Variants in ROBO2 observed in about 807,000 individuals in gnomAD.
The protein encoded by ROBO2 is roundabout homolog 2.
In ROBO2, 53 loss-of-function variants were observed where a neutral mutation model predicts 160.8. The ratio of observed to expected loss-of-function variants is 0.33; its 90% CI spans 0.26 to 0.41. The LOEUF (loss-of-function observed/expected upper bound fraction) is 0.41, where lower values mean the gene tolerates loss of function less well. Ranked by LOEUF, ROBO2 falls within the 10% of genes least tolerant of loss-of-function variation. The pLI is 1.00. For missense variants in ROBO2, 1,577 were observed against 1,722.4 expected, an observed-to-expected ratio of 0.92 and a Z score of 1.49; for synonymous variants, 664 against 611.7, an observed-to-expected ratio of 1.09 and a Z score of -1.26.
intron 2 of ROBO2, among the ~76,000 whole-genome samples, chr3:76,110,214 G>A (rs76634159): frequency 0.015 from 2,291 of 152,036 alleles, 55 homozygotes; most frequent in African/African-American, 0.053. Context: ...CATAGTAGAC[G>A]TGATGGCAAA....
intron 2 of ROBO2, among the ~76,000 whole-genome samples, chr3:76,466,805 C>T (rs1456250633): frequency 6.6e-6 from 1 of 151,882 alleles, no homozygotes; most frequent in Non-Finnish European, 1.5e-5. Context: ...TATATAGGAC[C>T]TTTCTCATTG....
chr3:77,281,321 C>G (rs1580631010), intron 2 of ROBO2, among the ~76,000 whole-genome samples: 1 of 151,084 alleles, frequency 6.6e-6, no homozygotes, highest in East Asian at 2.0e-4. Context: ...CTTTCGTTAC[C>G]TCCCAGACAC....
chr3:76,904,984 T>G (rs1263087446), intron 2 of ROBO2, among the ~76,000 whole-genome samples: 2 of 152,186 alleles, frequency 1.3e-5, no homozygotes, highest in Non-Finnish European at 2.9e-5. Context: ...GTGATTAAGT[T>G]TTTTGTTTGT....
At chr3:77,170,351 A>C (rs1335460243) in intron 2 of ROBO2, among the ~76,000 whole-genome samples, 1 of 152,084 alleles carries the variant, frequency 6.6e-6, no homozygotes. Context: ...TGTTTAACAG[A>C]TCTAATTATA....
At chr3:76,305,535 C>A (rs545091467) in intron 2 of ROBO2, among the ~76,000 whole-genome samples, 2 of 150,470 alleles carry the variant, frequency 1.3e-5, no homozygotes, top group East Asian at 2.0e-4. Context: ...CTGAGGCAGG[C>A]GGATCACGAG....
intron 2 of ROBO2, among the ~76,000 whole-genome samples, chr3:76,975,326 G>A (rs907519781): frequency 6.6e-6 from 1 of 152,198 alleles, no homozygotes; most frequent in Admixed American, 6.5e-5. Flanking sequence ...CCAACATGGC[G>A]AAACCCCGTC....
chr3:76,701,638 A>G (rs2093046159), intron 2 of ROBO2, among the ~76,000 whole-genome samples: 1 of 152,072 alleles, frequency 6.6e-6, no homozygotes, highest in Non-Finnish European at 1.5e-5. Flanking sequence ...GTGTAATGAT[A>G]AATTTCACTA....
chr3:76,207,715 C>T (rs954685244), intron 2 of ROBO2, among the ~76,000 whole-genome samples: 1 of 152,134 alleles, frequency 6.6e-6, no homozygotes, highest in African/African-American at 2.4e-5. Context: ...TGTGCTGTAA[C>T]AGAAGTGTCC....
At chr3:77,629,916 C>G (rs1028057590) in intron 23 of ROBO2, 3 of 152,122 alleles carry the variant, frequency 2.0e-5, no homozygotes, top group Admixed American at 1.3e-4. Context: ...AGTTCCTAAT[C>G]TCCAGAATTC....
intron 2 of ROBO2, among the ~76,000 whole-genome samples, chr3:76,535,760 A>C (rs1164531396): frequency 6.6e-6 from 1 of 152,130 alleles, no homozygotes; most frequent in Non-Finnish European, 1.5e-5. Flanking sequence ...TATGGGGGCA[A>C]TGGAAACAGG....
chr3:76,850,016 A>T (rs2069174569), intron 2 of ROBO2, among the ~76,000 whole-genome samples: 1 of 152,056 alleles, frequency 6.6e-6, no homozygotes, highest in Non-Finnish European at 1.5e-5. Context: ...GTGAAATCTC[A>T]TCTCTACTAA....
chr3:76,122,909 G>A (rs6776374), intron 2 of ROBO2, among the ~76,000 whole-genome samples: 36,901 of 151,904 alleles, frequency 0.24, 5,113 homozygotes, highest in Non-Finnish European at 0.32. Flanking sequence ...CACCACATCC[G>A]GCTAACTTTT....
intron 1 of ROBO2, among the ~76,000 whole-genome samples, chr3:75,925,295 C>T (rs1055590663): frequency 6.6e-6 from 1 of 151,862 alleles, no homozygotes; most frequent in African/African-American, 2.4e-5. Context: ...CCGGAGGCTG[C>T]GGTGAAAGGA....
chr3:77,538,937 C>A lies in ROBO2; in HGVS notation c.935-7401C>A, dbSNP rs866802544. 1.1e-5 allele frequency: 5 copies of A among 453,160 alleles called. No individual in the cohort carries two copies. In the Middle Eastern group the frequency reaches 2.5e-3, roughly 230 times the overall value. The allele number at this position is 453,160 out of a possible 1,614,324, so 28.1% of individuals were successfully genotyped here. ...TAATTTTTTTTCTTCTTTTTAGAGA[C>A]GGAGGCTTGCTCTGTCGCCCAGGCT... On this transcript the variant is annotated intron_variant, in intron 6 of 25. Coordinates refer to ENST00000461745, the Ensembl canonical transcript of ROBO2.
intron 2 of ROBO2, among the ~76,000 whole-genome samples, chr3:76,429,847 G>A (rs1430403270): frequency 2.6e-5 from 4 of 152,144 alleles, no homozygotes; most frequent in African/African-American, 9.7e-5. Flanking sequence ...ACACTGTCAG[G>A]TTATGTAGGA....
At chr3:76,658,847 A>T (rs1015545612) in intron 2 of ROBO2, among the ~76,000 whole-genome samples, 1 of 152,160 alleles carries the variant, frequency 6.6e-6, no homozygotes, top group Non-Finnish European at 1.5e-5. Context: ...AGGATATATT[A>T]TACAAACCTG....
In ROBO2 at chr3:75,937,686, G is replaced by A. The variant is rs865906986; in HGVS notation, c.109+84G>A. On this transcript the variant is annotated intron_variant, in intron 2 of 26. Transcript: ENST00000487694. The stretch of plus-strand genomic sequence containing the variant: ...ATATTATGTGAGTCTTTGGTTCGAC[G>A]TTTAAGCAATTTGTTGTAATTTTCC... 109 of 798,432 alleles carry A rather than the reference G, an allele frequency of 1.4e-4. No individual in the cohort carries two copies. The African/African-American group carries it at 1.4e-3, about 10-fold the overall frequency. The allele number at this position is 798,432 out of a possible 1,614,324, so 49.5% of individuals were successfully genotyped here. A position where few individuals can be genotyped will look rare whatever the true frequency, so the allele number is the denominator to read the frequency against.
chr3:76,171,829 C>T (rs747111680), intron 2 of ROBO2, among the ~76,000 whole-genome samples: 5 of 151,880 alleles, frequency 3.3e-5, no homozygotes, highest in East Asian at 1.9e-4. Context: ...TATTTTTGGC[C>T]GATGACTCAG....
At chr3:76,088,917 C>T (rs2069120944) in intron 2 of ROBO2, among the ~76,000 whole-genome samples, 1 of 151,530 alleles carries the variant, frequency 6.6e-6, no homozygotes, top group Admixed American at 6.6e-5. Context: ...ATCAATGAAA[C>T]AAAAAACTGG....
Sources: allele counts gnomAD v4.1 joint callset (sites outside exome capture counted in the v4.1 genomes callset), GRCh38; gene constraint gnomAD v4.1.1; transcripts MANE v1.5; gene names NCBI Gene and HGNC (gene_info 2026-07-23, HGNC 2026-07-21).